The following SMYD3 variants were observed in gnomAD, a reference collection of about 807,000 sequenced individuals.
SMYD3 encodes histone-lysine N-methyltransferase SMYD3.
In SMYD3, 36 loss-of-function variants were observed where a neutral mutation model predicts 57.7. The observed-to-expected ratio is 0.62, with a 90% CI of 0.48 to 0.82. The LOEUF (loss-of-function observed/expected upper bound fraction) is 0.82. Ranked by LOEUF, SMYD3 falls within the 40% of genes least tolerant of loss-of-function variation. The pLI, the probability that SMYD3 is intolerant of heterozygous loss-of-function variation, is 0.00. For missense variants in SMYD3, 515 were observed against 538.8 expected, an observed-to-expected ratio of 0.96 and a Z score of 0.44; for synonymous variants, 211 against 195.0, an observed-to-expected ratio of 1.08 and a Z score of -0.68.
intron 5 of SMYD3, among the ~76,000 whole-genome samples, chr1:246,115,155 CAGA>C (rs3052860): frequency 0.15 from 23,464 of 152,106 alleles, 3,347 homozygotes; most frequent in African/African-American, 0.38. Flanking sequence ...AACAAATCTG[CAGA>C]AGGTCAGCCT....
intron 5 of SMYD3, among the ~76,000 whole-genome samples, chr1:246,049,064 C>T (rs961005385): frequency 6.6e-6 from 1 of 152,058 alleles, no homozygotes; most frequent in Admixed American, 6.6e-5. Context: ...TGTACAGATG[C>T]CCTAAGAGAC....
intron 5 of SMYD3, among the ~76,000 whole-genome samples, chr1:246,174,802 A>G (rs533325132): frequency 2.0e-5 from 3 of 152,302 alleles, no homozygotes; most frequent in African/African-American, 7.2e-5. Context: ...ACAATTACTA[A>G]TTATTAGTTA....
At chr1:245,903,229 A>C (rs182223977) in intron 8 of SMYD3, among the ~76,000 whole-genome samples, 1 of 152,344 alleles carries the variant, frequency 6.6e-6, no homozygotes, top group East Asian at 1.9e-4. Context: ...AATAGGCTAG[A>C]TCATGAAGAA....
chr1:246,273,685 A>G (rs1327648589), intron 5 of SMYD3, among the ~76,000 whole-genome samples: 2 of 147,152 alleles, frequency 1.4e-5, no homozygotes, highest in Non-Finnish European at 3.0e-5. Flanking sequence ...CCCAGGTTCA[A>G]GCGATTCTCC....
chr1:246,116,557 T>C (rs1050569785), intron 5 of SMYD3, among the ~76,000 whole-genome samples: 10 of 152,184 alleles, frequency 6.6e-5, no homozygotes, highest in African/African-American at 2.4e-4. Context: ...CTAAACCTTG[T>C]CCATTATCTT....
At chr1:246,476,076 A>C (rs2068027275) in intron 1 of SMYD3, among the ~76,000 whole-genome samples, 2 of 152,178 alleles carry the variant, frequency 1.3e-5, no homozygotes, top group Non-Finnish European at 2.9e-5. Context: ...CTTTCACTTT[A>C]CCAACAAATT....
At chr1:246,077,492 C>T (rs2060567430) in intron 5 of SMYD3, among the ~76,000 whole-genome samples, 1 of 151,574 alleles carries the variant, frequency 6.6e-6, no homozygotes, top group Admixed American at 6.6e-5. Context: ...AATTCAAGCT[C>T]CCAGACTACA....
chr1:246,422,030 T>C (rs970592341), intron 1 of SMYD3, among the ~76,000 whole-genome samples: 2 of 152,146 alleles, frequency 1.3e-5, no homozygotes, highest in African/African-American at 2.4e-5. Flanking sequence ...AAAGTAATAT[T>C]ATACCAGCTA....
intron 1 of SMYD3, among the ~76,000 whole-genome samples, chr1:246,477,474 C>G (rs955381871): frequency 2.0e-5 from 3 of 152,184 alleles, no homozygotes; most frequent in Admixed American, 1.3e-4. Context: ...TCATTTATAG[C>G]ACACCTACCT....
At position 246,202,593 on chromosome 1, in the gene SMYD3, A is replaced by C. The variant is rs1469400434; in HGVS notation, c.531+124608T>G. On this transcript the variant is annotated intron_variant, in intron 5 of 11. Coordinates refer to ENST00000490107, the MANE Select transcript of SMYD3 (RefSeq NM_001167740.2). The surrounding 1 kb of genome is among the most constrained non-coding windows in gnomAD (Gnocchi z 4.1). The stretch of plus-strand genomic sequence containing the variant: ...ATCTCCCTCAAATCATCGAAATGTG[A>C]CGTATTAAATCCACGCACAGTCTCA... Among the ~76,000 whole-genome samples, 1 of 152,194 alleles carries C rather than the reference A, an allele frequency of 6.6e-6. No individual in the cohort carries two copies. Among genetic ancestry groups the C allele is most frequent in the Non-Finnish European group, 1.5e-5 (1 of 68,034 alleles).
At chr1:246,360,637 C>G (rs1263261401) in intron 1 of SMYD3, among the ~76,000 whole-genome samples, 2 of 152,046 alleles carry the variant, frequency 1.3e-5, no homozygotes, top group Non-Finnish European at 2.9e-5. Flanking sequence ...AACCCAGAAA[C>G]AAACCCAAAT....
chr1:246,074,471 A>ATCCAGG (rs2060511832), intron 5 of SMYD3, among the ~76,000 whole-genome samples: 1 of 152,202 alleles, frequency 6.6e-6, no homozygotes, highest in Non-Finnish European at 1.5e-5. Context: ...CAAATATAAC[A>ATCCAGG]ACTATAAGCT....
intron 5 of SMYD3, among the ~76,000 whole-genome samples, chr1:246,259,874 A>C (rs1321257788): frequency 1.3e-5 from 2 of 152,218 alleles, no homozygotes; most frequent in Non-Finnish European, 2.9e-5. Flanking sequence ...TTCTCTGCAC[A>C]GGAATGGGAA....
chr1:246,339,871 G>A (rs1418392712), intron 2 of SMYD3, among the ~76,000 whole-genome samples: 5 of 152,190 alleles, frequency 3.3e-5, no homozygotes, highest in Admixed American at 2.0e-4. Context: ...CTTCTGCCAT[G>A]CTAGGATGCA....
chr1:246,093,427 TACTC>T (rs1219192292), intron 5 of SMYD3, among the ~76,000 whole-genome samples: 1 of 152,138 alleles, frequency 6.6e-6, no homozygotes, highest in Non-Finnish European at 1.5e-5. Context: ...GGTGGAATAT[TACTC>T]AGCCATAAAA....
chr1:246,391,979 C>T (rs1383957700), intron 1 of SMYD3, among the ~76,000 whole-genome samples: 1 of 152,234 alleles, frequency 6.6e-6, no homozygotes, highest in Non-Finnish European at 1.5e-5. Context: ...GAAACTCCCA[C>T]TCATCCCTCC....
At chr1:246,391,581 CA>C (rs1259456541) in intron 1 of SMYD3, among the ~76,000 whole-genome samples, 4 of 151,604 alleles carry the variant, frequency 2.6e-5, no homozygotes, top group African/African-American at 9.7e-5. Flanking sequence ...CAAACAAGTT[CA>C]AAAGAAAACA....
At chr1:245,953,197 A>C (rs1410115018) in intron 5 of SMYD3, 1 of 978,904 alleles carries the variant, frequency 1.0e-6, no homozygotes, top group Non-Finnish European at 1.2e-6. Flanking sequence ...ATATATTATC[A>C]GTATATCTGG....
rs144137711 is a variant in SMYD3 at position 245,765,045 on chromosome 1, T to TGCACAC, written c.1077-897_1077-896insGTGTGC. Among the ~76,000 whole-genome samples the TGCACAC allele has an allele frequency of 6.3e-3, 848 of 134,306 alleles. 10 individuals are homozygous for TGCACAC. The highest frequency in any genetic ancestry group is 0.011 in the South Asian group (44 of 4,008). The allele number at this position is 134,306 out of a possible 152,430, so 88.1% of individuals were successfully genotyped here. On this transcript the variant is annotated intron_variant, in intron 10 of 11. Coordinates refer to ENST00000490107, the MANE Select transcript of SMYD3 (RefSeq NM_001167740.2). ...CAGAATTGTCTCTGGTGGAAATGCC[T>TGCACAC]ACACACACACACACACACACACACA...
Sources: gnomAD v4.1 joint callset for allele counts (sites outside exome capture counted in the v4.1 genomes callset) on GRCh38, gnomAD v4.1.1 for gene constraint, Gnocchi (gnomAD v3.1) non-coding constraint, MANE v1.5 for transcripts, NCBI Gene and HGNC (gene_info 2026-07-23, HGNC 2026-07-21) for gene names.